Variants in RPRD2 observed in about 807,000 individuals in gnomAD.
RPRD2 encodes the protein regulation of nuclear pre-mRNA domain containing 2.
RPRD2 carries 12 observed loss-of-function variants against 104.4 expected under a neutral mutation model. That is an observed-to-expected ratio of 0.11 (90% CI 0.07 to 0.19). RPRD2 has a LOEUF of 0.19. Among genes scored for constraint, RPRD2 ranks in the 10% least tolerant of loss-of-function variants. The pLI is 1.00. For synonymous variants in RPRD2, 714 were observed against 684.9 expected (o/e 1.04, Z -0.66); for missense variants, 1,543 against 1,790.1 (o/e 0.86, Z 2.49).
intron 7 of RPRD2, among the ~76,000 whole-genome samples, chr1:150,454,996 C>G (rs1667429510): frequency 6.6e-6 from 1 of 152,058 alleles, no homozygotes; most frequent in Admixed American, 6.6e-5. Flanking sequence ...GGATTTAAGC[C>G]AAGTGGTCAA....
At chr1:150,385,030 A>G (rs1028682355) in intron 1 of RPRD2, among the ~76,000 whole-genome samples, 1 of 152,138 alleles carries the variant, frequency 6.6e-6, no homozygotes, top group Non-Finnish European at 1.5e-5. Flanking sequence ...CCATCTCTTA[A>G]AAAAGGTAAT....
At chr1:150,433,820 G>GGAATA (rs1665797820) in intron 2 of RPRD2, among the ~76,000 whole-genome samples, 1 of 90,540 alleles carries the variant, frequency 1.1e-5, no homozygotes, top group African/African-American at 5.3e-5. Flanking sequence ...TATAATATAT[G>GGAATA]TAATATAATA....
chr1:150,389,584 G>GT (rs1333993297), intron 1 of RPRD2, among the ~76,000 whole-genome samples: 1 of 152,072 alleles, frequency 6.6e-6, no homozygotes, highest in Non-Finnish European at 1.5e-5. Flanking sequence ...GGCTGAGATA[G>GT]TTTTTTTCAG....
At chr1:150,422,340 A>AAAC (rs1553889809) in intron 2 of RPRD2, among the ~76,000 whole-genome samples, 1 of 128,320 alleles carries the variant, frequency 7.8e-6, no homozygotes, top group East Asian at 2.1e-4. Context: ...CTCTGTCTCA[A>AAAC]AATAATAATA....
At chr1:150,423,566 TC>T (rs1664908152) in intron 2 of RPRD2, among the ~76,000 whole-genome samples, 2 of 152,170 alleles carry the variant, frequency 1.3e-5, no homozygotes, top group Admixed American at 6.6e-5. Context: ...ATATGCATGA[TC>T]TTTTTTGGGA....
At chr1:150,459,301 A>G (rs1553898279) in intron 8 of RPRD2, among the ~76,000 whole-genome samples, 2 of 152,232 alleles carry the variant, frequency 1.3e-5, no homozygotes, top group African/African-American at 4.8e-5. Flanking sequence ...CAAATTAGCT[A>G]GTGCCTGATT....
chr1:150,383,546 A>G (rs1553881222), intron 1 of RPRD2, among the ~76,000 whole-genome samples: 1 of 150,334 alleles, frequency 6.7e-6, no homozygotes, highest in African/African-American at 2.5e-5. Context: ...TGAACTCCTG[A>G]CCTCAGGTGA....
chr1:150,392,146 A>G (rs2102180919), intron 1 of RPRD2, among the ~76,000 whole-genome samples: 1 of 152,054 alleles, frequency 6.6e-6, no homozygotes, highest in African/African-American at 2.4e-5. Context: ...GGATCGCACC[A>G]CTACACTCCA....
intron 1 of RPRD2, among the ~76,000 whole-genome samples, chr1:150,414,944 G>T (rs1451276003): frequency 6.6e-6 from 1 of 152,164 alleles, no homozygotes; most frequent in African/African-American, 2.4e-5. Context: ...GTAACCTAAG[G>T]TGGTCACAAG....
chr1:150,412,996 T>TA (rs375937550), intron 1 of RPRD2, among the ~76,000 whole-genome samples: 8 of 141,852 alleles, frequency 5.6e-5, no homozygotes, highest in Non-Finnish European at 1.1e-4. Flanking sequence ...GGAAGGAAGA[T>TA]AAAAAAAAGA....
At chr1:150,372,196 A>T (rs587766518) in intron 1 of RPRD2, among the ~76,000 whole-genome samples, 10 of 152,328 alleles carry the variant, frequency 6.6e-5, no homozygotes, top group African/African-American at 2.4e-4. Flanking sequence ...GAGCTCTAAG[A>T]TGAAATTTGT....
chr1:150,463,361 T>A (rs1306601690), intron 9 of RPRD2, among the ~76,000 whole-genome samples: 6 of 152,132 alleles, frequency 3.9e-5, no homozygotes, highest in Non-Finnish European at 5.9e-5. Context: ...ATAAAGTATT[T>A]TAATATATAA....
chr1:150,393,400 G>C (rs942747617), intron 1 of RPRD2, among the ~76,000 whole-genome samples: 1 of 142,090 alleles, frequency 7.0e-6, no homozygotes, highest in African/African-American at 2.7e-5. Flanking sequence ...TGAGGCTGCA[G>C]TGAAGTGTGA....
chr1:150,458,064 G>A (rs993222884), intron 8 of RPRD2, among the ~76,000 whole-genome samples: 4 of 151,986 alleles, frequency 2.6e-5, no homozygotes, highest in African/African-American at 7.3e-5. Context: ...GCGAGACTCC[G>A]TCTTGGGGGG....
intron 2 of RPRD2, among the ~76,000 whole-genome samples, chr1:150,433,175 A>G (rs1221033022): frequency 1.3e-5 from 2 of 152,080 alleles, no homozygotes; most frequent in Non-Finnish European, 2.9e-5. Context: ...AAAAAGGACT[A>G]CAATTAAACT....
At chr1:150,385,945 GT>G (rs1359728590) in intron 1 of RPRD2, among the ~76,000 whole-genome samples, 1 of 152,160 alleles carries the variant, frequency 6.6e-6, no homozygotes, top group African/African-American at 2.4e-5. Flanking sequence ...AGGGGAATGA[GT>G]TAGGGGAGTT....
chr1:150,395,639 T>C (rs987199508), intron 1 of RPRD2, among the ~76,000 whole-genome samples: 1 of 151,452 alleles, frequency 6.6e-6, no homozygotes, highest in Non-Finnish European at 1.5e-5. Flanking sequence ...GCCTCCCAAG[T>C]AGCTGGGATT....
rs1272525270 is a variant in RPRD2 at position 150,475,646 on chromosome 1, G to A, written c.*2312G>A. 1.3e-5 allele frequency: 2 copies of A among 152,544 alleles called. No individual in the cohort carries two copies. The highest frequency in any genetic ancestry group is 2.9e-5 in the Non-Finnish European group (2 of 68,032). The allele number at this position is 152,544 out of a possible 1,614,324, so 9.4% of individuals were successfully genotyped here. A position where few individuals can be genotyped will look rare whatever the true frequency, so the allele number is the denominator to read the frequency against. ...AGGATGGAAGTGAGGATTTGTATGA[G>A]ACTGTCAGCTATTAATTTTAAGGAA... On this transcript the variant is annotated 3_prime_UTR_variant, in exon 11 of 11. Coordinates refer to ENST00000369068, the MANE Select transcript of RPRD2 (RefSeq NM_015203.5).
At chr1:150,365,748 T>C (rs1229787350) in intron 1 of RPRD2, among the ~76,000 whole-genome samples, 1 of 151,996 alleles carries the variant, frequency 6.6e-6, no homozygotes, top group Non-Finnish European at 1.5e-5. Context: ...CGCCACCATG[T>C]CCGGCTAATT....
Sources: gnomAD v4.1 joint callset for allele counts (sites outside exome capture counted in the v4.1 genomes callset) on GRCh38, gnomAD v4.1.1 for gene constraint, MANE v1.5 for transcripts, NCBI Gene and HGNC (gene_info 2026-07-23, HGNC 2026-07-21) for gene names.